DCDC1: variants seen among roughly 807,000 people sequenced by gnomAD.
DCDC1 encodes the protein doublecortin domain containing 1, also known as doublecortin domain-containing protein 1.
Under a neutral mutation model 178.3 loss-of-function variants are expected in DCDC1, and 200 were observed. The ratio of observed to expected loss-of-function variants is 1.12; its 90% CI spans 1.00 to 1.26. The LOEUF (loss-of-function observed/expected upper bound fraction) is 1.26, where lower values mean the gene tolerates loss of function less well. Among genes scored for constraint, DCDC1 ranks in the 50% most tolerant of loss-of-function variants. The pLI is 0.00. For synonymous variants in DCDC1, 690 were observed against 604.8 expected, an observed-to-expected ratio of 1.14 and a Z score of -2.07; for missense variants, 1,983 against 1,749.2, an observed-to-expected ratio of 1.13 and a Z score of -2.38.
At chr11:31,215,956 C>G (rs1591440868) in intron 9 of DCDC1, among the ~76,000 whole-genome samples, 1 of 151,990 alleles carries the variant, frequency 6.6e-6, no homozygotes, top group Admixed American at 6.6e-5. Flanking sequence ...GGCTGCCCAT[C>G]TCATACCTCT....
intron 9 of DCDC1, among the ~76,000 whole-genome samples, chr11:31,180,942 C>A: frequency 6.6e-6 from 1 of 152,112 alleles, no homozygotes; most frequent in East Asian, 1.9e-4. Context: ...CGCCACGGAG[C>A]CCAGCAAGCT....
chr11:31,105,560 A>G (rs1011736657), intron 13 of DCDC1, among the ~76,000 whole-genome samples: 14 of 151,776 alleles, frequency 9.2e-5, no homozygotes, highest in Non-Finnish European at 1.9e-4. Context: ...TTATCATTGA[A>G]AAAACAATTC....
At chr11:31,125,695 T>C (rs2135922645) in intron 11 of DCDC1, among the ~76,000 whole-genome samples, 1 of 152,290 alleles carries the variant, frequency 6.6e-6, no homozygotes, top group Admixed American at 6.5e-5. Flanking sequence ...AAACACTGTA[T>C]ATTCTCACTT....
intron 7 of DCDC1, among the ~76,000 whole-genome samples, chr11:31,285,129 T>G (rs1214605549): frequency 6.6e-6 from 1 of 152,014 alleles, no homozygotes; most frequent in East Asian, 1.9e-4. Flanking sequence ...ACTTATAATA[T>G]TCTAAAATAA....
chr11:30,984,886 G>A (rs1950564572), intron 20 of DCDC1, among the ~76,000 whole-genome samples: 1 of 152,162 alleles, frequency 6.6e-6, no homozygotes, highest in Non-Finnish European at 1.5e-5. Flanking sequence ...AGAAAACTGG[G>A]AATGGCACCT....
intron 1 of DCDC1, among the ~76,000 whole-genome samples, chr11:31,367,386 C>A (rs906546140): frequency 4.6e-5 from 7 of 152,212 alleles, no homozygotes; most frequent in Non-Finnish European, 1.0e-4. Flanking sequence ...ATTTAAAAAA[C>A]CCCAATAAAC....
intron 9 of DCDC1, among the ~76,000 whole-genome samples, chr11:31,206,847 T>C (rs1186235080): frequency 6.6e-6 from 1 of 152,208 alleles, no homozygotes; most frequent in African/African-American, 2.4e-5. Context: ...AATGTAGACA[T>C]CACATTACAA....
At chr11:30,953,507 GA>G (rs912739327) in intron 20 of DCDC1, among the ~76,000 whole-genome samples, 4 of 151,790 alleles carry the variant, frequency 2.6e-5, no homozygotes, top group Non-Finnish European at 5.9e-5. Flanking sequence ...GCTAAGTAGA[GA>G]AGGGAAATTA....
Position 30,903,540 on chromosome 11 carries a change from T to C in DCDC1, c.4452A>G (p.Lys1484=), listed in dbSNP as rs1343952686. The change falls in exon 32 of 39, where the codon AAA becomes AAG. Residue 1484 remains lysine (K), a synonymous_variant. Transcript: ENST00000684477. ...DESFLQRDSE[K]QKQDAAPVGK... is the part of the protein sequence containing the mutation. Reference sequence around the variant, plus strand: ...CAACAGGAGCTGCATCTTGCTTTTGTTTCTCAGAGTCTCTCTGGAGAAAGG... The same window carrying C: ...CAACAGGAGCTGCATCTTGCTTTTGCTTCTCAGAGTCTCTCTGGAGAAAGG... 5 of 1,606,662 alleles carry C rather than the reference T, an allele frequency of 3.1e-6. No homozygotes were observed. Among genetic ancestry groups the C allele is most frequent in the African/African-American group, 1.3e-5 (1 of 74,840 alleles).
chr11:31,241,759 C>T (rs1977159731), intron 8 of DCDC1, 143 bp from the exon 9 acceptor site: 4 of 385,722 alleles, frequency 1.0e-5, no homozygotes, highest in African/African-American at 8.3e-5. Context: ...AGAGGCAATT[C>T]CTGCGTTACT....
chr11:31,142,492 G>A lies in DCDC1; in HGVS notation c.1222-4708C>T, dbSNP rs200116368. Reference sequence around the variant, plus strand: ...TCAAAGGATGTGTGTGTGTGTATGTGTGTGTGTGTGTGTGTGTATACACAT... The same window carrying A: ...TCAAAGGATGTGTGTGTGTGTATGTATGTGTGTGTGTGTGTGTATACACAT... On this transcript the variant is annotated intron_variant, in intron 9 of 38. Transcript: ENST00000684477. Among the ~76,000 whole-genome samples, 13 of 150,116 alleles carry A rather than the reference G, an allele frequency of 8.7e-5. No homozygotes were observed. The East Asian group carries it at 2.3e-3, about 27-fold the overall frequency.
At chr11:31,093,004 A>G (rs1957908592) in intron 16 of DCDC1, among the ~76,000 whole-genome samples, 1 of 152,226 alleles carries the variant, frequency 6.6e-6, no homozygotes, top group Admixed American at 6.5e-5. Flanking sequence ...TTGTAACATT[A>G]AATGAAATAA....
At chr11:31,182,023 G>A (rs894931454) in intron 9 of DCDC1, among the ~76,000 whole-genome samples, 2 of 152,114 alleles carry the variant, frequency 1.3e-5, no homozygotes, top group Non-Finnish European at 2.9e-5. Context: ...GAAATAAAGT[G>A]TGAAAACAAC....
intron 38 of DCDC1, among the ~76,000 whole-genome samples, chr11:30,871,897 TATATATACACACATATATGTACAC>T (rs1421751021): frequency 6.6e-6 from 1 of 150,448 alleles, no homozygotes; most frequent in Non-Finnish European, 1.5e-5. Context: ...TATATACACA[TATATATACACACATATATGTACAC>T]ATATATACAT....
rs149022025 is a variant in DCDC1 at position 30,915,690 on chromosome 11, T to C, written c.3474A>G (p.Lys1158=). Residue 1158 remains lysine (K), a synonymous_variant, in exon 27 of 39, where the codon AAA becomes AAG. Coordinates refer to ENST00000684477, the MANE Select transcript of DCDC1 (RefSeq NM_001387274.1). ...KKHSCSPKHS[K]LHKHCHQQFE... The stretch of plus-strand genomic sequence containing the variant: ...ACTGCTGATGACAATGCTTGTGCAA[T>C]TTACTATGCTTTGGTGAACAGCTGA... The C allele has an allele frequency of 7.9e-5, 127 of 1,613,476 alleles. No homozygotes were observed. The highest frequency in any genetic ancestry group is 1.0e-4 in the Non-Finnish European group (121 of 1,179,692).
chr11:31,019,406 TTA>T (rs778363809), intron 20 of DCDC1, among the ~76,000 whole-genome samples: 6 of 152,128 alleles, frequency 3.9e-5, no homozygotes, highest in Non-Finnish European at 7.4e-5. Context: ...ATAAAATATA[TTA>T]TATGTTTGTA....
intron 38 of DCDC1, among the ~76,000 whole-genome samples, chr11:30,870,837 T>A (rs1031889544): frequency 1.2e-4 from 18 of 152,214 alleles, no homozygotes; most frequent in African/African-American, 4.3e-4. Flanking sequence ...AGGGCAAGCC[T>A]CTCACTGACT....
At position 30,957,006 on chromosome 11, in the gene DCDC1, C is replaced by T. The variant is rs573179283; in HGVS notation, c.2592-4438G>A. ...AAAATAGAAGTGGTCAGAAGACTTT[C>T]CTCATCCTCCCACCAGCAAATCTAC... On this transcript the variant is annotated intron_variant, in intron 20 of 38. Transcript: ENST00000684477. 3.3e-5 allele frequency among the ~76,000 whole-genome samples: 5 copies of T among 152,256 alleles called. No homozygotes were observed. The East Asian group carries it at 9.7e-4, about 29-fold the overall frequency.
intron 9 of DCDC1, among the ~76,000 whole-genome samples, chr11:31,196,596 G>C (rs1970723015): frequency 6.6e-6 from 1 of 152,100 alleles, no homozygotes; most frequent in East Asian, 1.9e-4. Context: ...TACAACTCAG[G>C]AATAGCCAAA....
Sources: allele counts gnomAD v4.1 joint callset (sites outside exome capture counted in the v4.1 genomes callset), GRCh38; gene constraint gnomAD v4.1.1; transcripts MANE v1.5; gene names NCBI Gene and HGNC (gene_info 2026-07-23, HGNC 2026-07-21).